The following SPATS2 variants were observed in gnomAD, a reference collection of about 807,000 sequenced individuals.
The protein encoded by SPATS2 is spermatogenesis-associated serine-rich protein 2.
SPATS2 carries 38 observed loss-of-function variants against 63.7 expected under a neutral mutation model. The observed-to-expected ratio is 0.60, with a 90% CI of 0.46 to 0.78. The LOEUF is 0.78. Among genes scored for constraint, SPATS2 ranks in the 30% least tolerant of loss-of-function variants. SPATS2 has a pLI of 0.00. For synonymous variants in SPATS2, 207 were observed against 232.9 expected (o/e 0.89, Z 1.01); for missense variants, 588 against 666.2 (o/e 0.88, Z 1.29).
At chr12:49,517,130 T>C (rs1301717786) in intron 10 of SPATS2, among the ~76,000 whole-genome samples, 1 of 152,216 alleles carries the variant, frequency 6.6e-6, no homozygotes, top group Non-Finnish European at 1.5e-5. Flanking sequence ...AATTTTGTCA[T>C]AGAATCACTG....
chr12:49,459,213 T>C (rs971732892), intron 2 of SPATS2, among the ~76,000 whole-genome samples: 5 of 152,166 alleles, frequency 3.3e-5, no homozygotes, highest in Admixed American at 6.6e-5. Context: ...TGTAACCCCA[T>C]AGTACTCAAC....
At chr12:49,463,606 T>A (rs1379138774) in intron 3 of SPATS2, 1 of 152,222 alleles carries the variant, frequency 6.6e-6, no homozygotes. Flanking sequence ...TATAAAATAT[T>A]ACAACATTTC....
intron 2 of SPATS2, among the ~76,000 whole-genome samples, chr12:49,419,676 G>A (rs1170020874): frequency 6.6e-6 from 1 of 152,158 alleles, no homozygotes; most frequent in Non-Finnish European, 1.5e-5. Flanking sequence ...TTTAAACTTT[G>A]TGTGAATATT....
intron 3 of SPATS2, among the ~76,000 whole-genome samples, chr12:49,481,800 A>AT (rs541424572): frequency 2.7e-5 from 4 of 149,580 alleles, no homozygotes; most frequent in South Asian, 2.1e-4. Flanking sequence ...TTGCCTGAGA[A>AT]TTTTTTTTTT....
Position 49,490,702 on chromosome 12 carries a change from A to G in SPATS2, c.235A>G (p.Lys79Glu). ...FMEGSASEVL[K>E]EWTVTGKKKN... ...TACAGGTAGTGCCAGTGAAGTACTC[A>G]AAGAATGGACAGTAACAGGCAAGAA... Residue 79 changes from lysine to glutamate, a missense_variant, in exon 6 of 14, where the codon AAA (lysine) becomes GAA (glutamate). Physicochemically the swap from Lys to Glu is moderately conservative, Grantham distance 56. Coordinates refer to ENST00000552918, the MANE Select transcript of SPATS2 (RefSeq NM_023071.4). The G allele has an allele frequency of 6.2e-7, 1 of 1,614,028 alleles. No individual in the cohort carries two copies. Among genetic ancestry groups the G allele is most frequent in the South Asian group, 1.1e-5 (1 of 91,080 alleles).
At chr12:49,436,178 G>C in intron 2 of SPATS2, among the ~76,000 whole-genome samples, 1 of 151,214 alleles carries the variant, frequency 6.6e-6, no homozygotes, top group East Asian at 2.0e-4. Context: ...AGACGGGGTG[G>C]TGGCCGGGCA....
chr12:49,458,005 T>C (rs1414426929), intron 2 of SPATS2, among the ~76,000 whole-genome samples: 1 of 152,214 alleles, frequency 6.6e-6, no homozygotes, highest in Non-Finnish European at 1.5e-5. Context: ...TGATGGAATA[T>C]TTTTTAAAAC....
intron 2 of SPATS2, among the ~76,000 whole-genome samples, chr12:49,453,843 A>C (rs906541217): frequency 2.0e-5 from 3 of 147,580 alleles, no homozygotes; most frequent in Non-Finnish European, 4.5e-5. Flanking sequence ...ACAGAATTGC[A>C]GCAAATAGCA....
intron 2 of SPATS2, among the ~76,000 whole-genome samples, chr12:49,418,933 A>G (rs193071975): frequency 4.0e-4 from 61 of 152,272 alleles, no homozygotes; most frequent in African/African-American, 1.3e-3. Context: ...AAATCAGAAG[A>G]CTTCACTACA....
intron 2 of SPATS2, among the ~76,000 whole-genome samples, chr12:49,415,119 A>G (rs1235510659): frequency 6.6e-6 from 1 of 151,328 alleles, no homozygotes; most frequent in Non-Finnish European, 1.5e-5. Flanking sequence ...TTTAGTAGAG[A>G]TGGGGTTTCA....
chr12:49,437,125 G>T (rs561761202), intron 2 of SPATS2, among the ~76,000 whole-genome samples: 5 of 151,420 alleles, frequency 3.3e-5, no homozygotes, highest in African/African-American at 1.2e-4. Context: ...TGTGGCTGCC[G>T]GGTGGAGGGG....
chr12:49,373,939 C>T (rs1054098222), intron 2 of SPATS2, among the ~76,000 whole-genome samples: 2 of 151,668 alleles, frequency 1.3e-5, no homozygotes, highest in African/African-American at 4.8e-5. Context: ...AATAAATTAG[C>T]TGGTCATAGT....
At chr12:49,438,943 A>G (rs1290041444) in intron 2 of SPATS2, among the ~76,000 whole-genome samples, 1 of 152,202 alleles carries the variant, frequency 6.6e-6, no homozygotes, top group East Asian at 1.9e-4. Context: ...TCAAGTTTAC[A>G]TCCTATTGAG....
At chr12:49,486,696 G>A (rs1302552634) in intron 4 of SPATS2, among the ~76,000 whole-genome samples, 1 of 151,524 alleles carries the variant, frequency 6.6e-6, no homozygotes, top group Non-Finnish European at 1.5e-5. Flanking sequence ...CAGGAGAGTG[G>A]CGTGAACCTG....
intron 5 of SPATS2, 45 bp downstream of exon 5, chr12:49,489,618 T>C (rs781728684): frequency 7.2e-6 from 11 of 1,530,500 alleles, no homozygotes; most frequent in African/African-American, 2.8e-5. Context: ...TTTGCTCAAA[T>C]AGAATTTGCT....
chr12:49,461,392 T>G (rs1945820215), intron 3 of SPATS2, among the ~76,000 whole-genome samples: 1 of 152,192 alleles, frequency 6.6e-6, no homozygotes, highest in Non-Finnish European at 1.5e-5. Context: ...GAGTAAATGT[T>G]TCTGGGTTTT....
intron 2 of SPATS2, among the ~76,000 whole-genome samples, chr12:49,433,810 C>A (rs148755122): frequency 6.6e-6 from 1 of 152,306 alleles, no homozygotes; most frequent in African/African-American, 2.4e-5. Flanking sequence ...TTGTCTATTA[C>A]TGCTTTTTTG....
chr12:49,384,754 C>G (rs1944281496), intron 2 of SPATS2, among the ~76,000 whole-genome samples: 1 of 152,060 alleles, frequency 6.6e-6, no homozygotes, highest in African/African-American at 2.4e-5. Flanking sequence ...CACCCTACAC[C>G]TATTCTTTTT....
At chr12:49,443,432 A>G (rs1328724118) in intron 2 of SPATS2, among the ~76,000 whole-genome samples, 1 of 151,954 alleles carries the variant, frequency 6.6e-6, no homozygotes, top group African/African-American at 2.4e-5. Flanking sequence ...TATTCTATTG[A>G]TCTATATGCC....
Sources: gnomAD v4.1 joint callset for allele counts (sites outside exome capture counted in the v4.1 genomes callset) on GRCh38, gnomAD v4.1.1 for gene constraint, MANE v1.5 for transcripts, NCBI Gene and HGNC (gene_info 2026-07-23, HGNC 2026-07-21) for gene names.